The following GAA variants were observed in gnomAD, a reference collection of about 807,000 sequenced individuals.
GAA encodes lysosomal alpha-glucosidase.
In GAA, 88 loss-of-function variants were observed where a neutral mutation model predicts 103.9. That is an observed-to-expected ratio of 0.85 (90% CI 0.71 to 1.01). The LOEUF is 1.01. Ranked by LOEUF, GAA falls within the 50% of genes least tolerant of loss-of-function variation. GAA has a pLI of 0.00. For missense variants in GAA, 1,350 were observed against 1,305.3 expected, an observed-to-expected ratio of 1.03 and a Z score of -0.53; for synonymous variants, 572 against 563.1, an observed-to-expected ratio of 1.02 and a Z score of -0.22.
chr17:80,118,632 A>G (rs1409554178), intron 18 of GAA, 21 bp from the exon 19 acceptor site: 20 of 1,610,688 alleles, frequency 1.2e-5, no homozygotes, highest in Admixed American at 1.7e-5. Context: ...CTGCCTTTTC[A>G]TCTCTCTCTG....
chr17:80,105,041 T>C lies in GAA; in HGVS notation c.455T>C (p.Leu152Pro). ...TCTGAAATGGGCTACACGGCCACCC[T>C]GACCCGTACCACCCCCACCTTCTTC... Reference protein sequence around the residue: ...SSSEMGYTATLTRTTPTFFPK... With the variant: ...SSSEMGYTATPTRTTPTFFPK... The change falls in exon 2 of 20, where the codon CTG becomes CCG. Residue 152 changes from leucine to proline, a missense_variant. Physicochemically the swap from Leu to Pro is moderately conservative, Grantham distance 98. Transcript: ENST00000302262. 6.2e-7 allele frequency: 1 copy of C among 1,612,938 alleles called. No homozygotes were observed. The highest frequency in any genetic ancestry group is 8.5e-7 in the Non-Finnish European group (1 of 1,180,024).
In GAA at chr17:80,118,192, G is replaced by T; in HGVS notation, c.2482-1G>T. ...GACATCACGTGTCCTTCCCTTTCCA[G>T]GGCCCTGGCCTCACAACCACAGAGT... On this transcript the variant is annotated splice_acceptor_variant, in intron 17 of 19. Coordinates refer to ENST00000302262, the MANE Select transcript of GAA (RefSeq NM_000152.5). LOFTEE classifies it high-confidence loss of function. 1 of 1,612,968 alleles carries T rather than the reference G, an allele frequency of 6.2e-7. No individual in the cohort carries two copies. The highest frequency in any genetic ancestry group is 8.5e-7 in the Non-Finnish European group (1 of 1,179,804).
rs758730273 is a variant in GAA, at chr17:80,105,879, T to C, written c.677T>C (p.Leu226Pro). 6.3e-7 allele frequency: 1 copy of C among 1,598,280 alleles called. No individual in the cohort carries two copies. The highest frequency in any genetic ancestry group is 8.5e-7 in the Non-Finnish European group (1 of 1,175,496). Residue 226 changes from leucine to proline, a missense_variant, in exon 3 of 20, where the codon CTG becomes CCG. By Grantham distance (98) the Leu-to-Pro change is moderately conservative. Transcript: ENST00000302262. ...TTCGGGGTGATCGTGCGCCGGCAGC[T>C]GGACGGCCGCGTGCTGTGAGTTCTG... is the stretch of plus-strand genomic sequence containing the variant. ...EPFGVIVRRQ[L>P]DGRVLLNTTV...
At position 80,117,531 on chromosome 17, in the gene GAA, C is replaced by T. The variant is rs932417068; in HGVS notation, c.2332-69C>T. ...ACGTGGAGCCCCGGGAGATGGAGAG[C>T]GTGGTTCCTGAGGACAGCATGGGGG... On this transcript the variant is annotated intron_variant, in intron 16 of 19. Coordinates refer to ENST00000302262, the MANE Select transcript of GAA (RefSeq NM_000152.5). 13 of 1,566,522 alleles carry T rather than the reference C, an allele frequency of 8.3e-6. No individual in the cohort carries two copies. In the Admixed American group the frequency reaches 8.3e-5, roughly 10 times the overall value.
Position 80,113,695 on chromosome 17 carries a change from C to G in GAA, c.2189+329C>G, listed in dbSNP as rs550837591. On this transcript the variant is annotated intron_variant, in intron 15 of 19. Coordinates refer to ENST00000302262, the MANE Select transcript of GAA (RefSeq NM_000152.5). ...CTTGCATACCATAGAAACATAAGTT[C>G]CAGATAAATTAAATAGTTAATGTCA... is the stretch of plus-strand genomic sequence containing the variant. 2.0e-5 allele frequency among the ~76,000 whole-genome samples: 3 copies of G among 152,148 alleles called. No individual in the cohort carries two copies. The East Asian group carries it at 5.8e-4, about 29-fold the overall frequency.
chr17:80,113,397 T>C, intron 15 of GAA, 31 bp downstream of exon 15: 1 of 1,516,726 alleles, frequency 6.6e-7, no homozygotes, highest in Non-Finnish European at 8.9e-7. Context: ...CGGTGGCCCA[T>C]GTGTGCCCTG....
chr17:80,111,603 C>T lies in GAA; in HGVS notation c.1637-380C>T, dbSNP rs531129228. ...TTTACAAGGAAGTACAAGGATGGGC[C>T]TGGGAGAAGGTTTGGGGGCCTGAGG... On this transcript the variant is annotated intron_variant, in intron 11 of 19. Transcript: ENST00000302262. 98 of 333,616 alleles carry T rather than the reference C, an allele frequency of 2.9e-4. 1 individual carries two copies. In the South Asian group the frequency reaches 3.0e-3, roughly 10 times the overall value. 20.7% of individuals were successfully genotyped at this position (333,616 alleles called of 1,614,324 possible). A position where few individuals can be genotyped will look rare whatever the true frequency, so the allele number is the denominator to read the frequency against.
intron 19 of GAA, among the ~76,000 whole-genome samples, 197 bp from the exon 20 acceptor site, chr17:80,119,075 C>G (rs982540238): frequency 6.6e-6 from 1 of 152,202 alleles, no homozygotes; most frequent in African/African-American, 2.4e-5. Flanking sequence ...GTGACCCGCA[C>G]TGAGAGCCGG....
Position 80,111,009 on chromosome 17 carries a change from C to T in GAA, c.1620C>T (p.Asn540=), listed in dbSNP as rs774887920. The change falls in exon 11 of 20, where the codon AAC becomes AAT. Residue 540 remains asparagine, a synonymous_variant. Transcript: ENST00000302262. ...GCTGCCCCAACAATGAGCTGGAGAA[C>T]CCACCCTACGTGCCTGGTCAGCTCG... ...EDGCPNNELE[N]PPYVPGVVGG... 1.2e-6 allele frequency: 2 copies of T among 1,613,910 alleles called. No homozygotes were observed. Among genetic ancestry groups the T allele is most frequent in the Non-Finnish European group, 8.5e-7 (1 of 1,180,016 alleles).
chr17:80,104,054 A>C lies in GAA; in HGVS notation c.-32-501A>C, dbSNP rs151194366. Among the ~76,000 whole-genome samples, 36 of 152,316 alleles carry C rather than the reference A, an allele frequency of 2.4e-4. No individual in the cohort carries two copies. In the East Asian group the frequency reaches 5.4e-3, roughly 23 times the overall value. On this transcript the variant is annotated intron_variant, in intron 1 of 19. Transcript: ENST00000302262. The surrounding 1 kb of genome is among the most constrained non-coding windows in gnomAD (Gnocchi z 4.0). The stretch of plus-strand genomic sequence containing the variant: ...CAAGGGGGGTGGATCACTTGAGCTC[A>C]GGAGTTCGAGACCAGCCTGGGTAAC...
At chr17:80,107,970 A>T (rs1281593132) in intron 5 of GAA, 74 bp downstream of exon 5, 2 of 1,397,718 alleles carry the variant, frequency 1.4e-6, no homozygotes, top group Non-Finnish European at 2.0e-6. Context: ...GGAGGTCCGC[A>T]TGAGGGGCCC....
rs376229714 is a variant in GAA at position 80,105,775 on chromosome 17, C to T, written c.573C>T (p.Tyr191=). The T allele has an allele frequency of 1.7e-5, 28 of 1,612,236 alleles. No individual in the cohort carries two copies. Among genetic ancestry groups the T allele is most frequent in the East Asian group, 2.2e-5 (1 of 44,896 alleles). Reference sequence around the variant, plus strand: ...TCAAAGATCCAGCTAACAGGCGCTACGAGGTGCCCTTGGAGACCCCGCATG... The same window carrying T: ...TCAAAGATCCAGCTAACAGGCGCTATGAGGTGCCCTTGGAGACCCCGCATG... The part of the protein sequence containing the change: ...FTIKDPANRR[Y]EVPLETPHVH... Residue 191 remains tyrosine (Y), a synonymous_variant, in exon 3 of 20, where the codon TAC becomes TAT. Coordinates refer to ENST00000302262, the MANE Select transcript of GAA (RefSeq NM_000152.5).
chr17:80,116,309 T>G (rs1341044263), intron 15 of GAA, among the ~76,000 whole-genome samples: 3 of 152,214 alleles, frequency 2.0e-5, no homozygotes, highest in Non-Finnish European at 4.4e-5. Context: ...TTTTTGAGAT[T>G]CACATTGATG....
rs539847725 is a variant in GAA at position 80,104,127 on chromosome 17, G to A, written c.-32-428G>A. On this transcript the variant is annotated intron_variant, in intron 1 of 19. Transcript: ENST00000302262. This position sits in a 1 kb window ranked among gnomAD's most constrained non-coding sequence, Gnocchi z 4.0. ...AAAATACAGAAAATTAGCTGGGTGC[G>A]GTGGTGTGTGCCTACAGTCCCAGCT... Among the ~76,000 whole-genome samples the A allele has an allele frequency of 6.3e-4, 96 of 152,226 alleles. 1 individual carries two copies. The South Asian group carries it at 0.018, about 29-fold the overall frequency.
chr17:80,112,613 T>C lies in GAA; in HGVS notation c.1790T>C (p.Val597Ala), dbSNP rs1438472584. The part of the protein sequence containing the change: ...LVKARGTRPF[V>A]ISRSTFAGHG... ...AAGGCTCGGGGGACACGCCCATTTG[T>C]GATCTCCCGCTCGACCTTTGCTGGC... The change falls in exon 13 of 20, where the codon GTG becomes GCG. Residue 597 changes from valine (V) to alanine (A), a missense_variant. Transcript: ENST00000302262. The C allele has an allele frequency of 1.2e-6, 2 of 1,612,848 alleles. No homozygotes were observed. The highest frequency in any genetic ancestry group is 2.2e-5 in the East Asian group (1 of 44,884).
intron 1 of GAA, chr17:80,102,816 G>GA (rs1348243637): frequency 6.6e-6 from 1 of 152,256 alleles, no homozygotes; most frequent in Non-Finnish European, 1.5e-5. Context: ...AAGTACAAGT[G>GA]ACAACCTGGG....
chr17:80,115,465 A>G (rs547957193), intron 15 of GAA, among the ~76,000 whole-genome samples: 1 of 152,256 alleles, frequency 6.6e-6, no homozygotes, highest in African/African-American at 2.4e-5. Flanking sequence ...CTGGTGAGTC[A>G]TGTTCTCACA....
At position 80,111,969 on chromosome 17, in the gene GAA, C is replaced by A; in HGVS notation, c.1637-14C>A. On this transcript the variant is annotated splice_polypyrimidine_tract_variant and intron_variant, in intron 11 of 19. Transcript: ENST00000302262. ...GGAGGAAGCTCCCTGGAAACCAGCC[C>A]CCGCCTCTTCCAGGGGTGGTTGGGG... The A allele has an allele frequency of 6.2e-7, 1 of 1,609,080 alleles. No individual in the cohort carries two copies. The highest frequency in any genetic ancestry group is 1.3e-5 in the African/African-American group (1 of 74,980).
At chr17:80,117,276 T>G (rs1361462593) in intron 16 of GAA, among the ~76,000 whole-genome samples, 167 bp downstream of exon 16, 1 of 152,104 alleles carries the variant, frequency 6.6e-6, no homozygotes, top group African/African-American at 2.4e-5. Flanking sequence ...CATCAGCCTC[T>G]CCGCTCCTCA....
Sources: allele counts gnomAD v4.1 joint callset (sites outside exome capture counted in the v4.1 genomes callset), GRCh38; gene constraint gnomAD v4.1.1; non-coding constraint Gnocchi (gnomAD v3.1); transcripts MANE v1.5; gene names NCBI Gene and HGNC (gene_info 2026-07-23, HGNC 2026-07-21).